TOP3B: variants seen among roughly 807,000 people sequenced by gnomAD.
TOP3B encodes DNA topoisomerase 3-beta-1.
TOP3B carries 45 observed loss-of-function variants against 93.9 expected under a neutral mutation model. That is an observed-to-expected ratio of 0.48 (90% CI 0.38 to 0.61). The LOEUF is 0.61. TOP3B is among the 20% of genes least tolerant of loss of function. The pLI is 0.00. For missense variants in TOP3B, 750 were observed against 1,156.1 expected (o/e 0.65, Z 5.09); for synonymous variants, 357 against 472.6 (o/e 0.76, Z 3.17).
At chr22:21,974,283 T>C in intron 3 of TOP3B, 74 bp downstream of exon 3, 1 of 1,543,022 alleles carries the variant, frequency 6.5e-7, no homozygotes, top group Non-Finnish European at 8.8e-7. Context: ...TAGAGGCATC[T>C]CCTGGCTTCA....
At chr22:21,961,993 C>T (rs750957441) in intron 13 of TOP3B, 4 of 690,568 alleles carry the variant, frequency 5.8e-6, no homozygotes, top group Non-Finnish European at 7.9e-6. Context: ...GAGCCCTGTG[C>T]CTGGGACAGG....
Position 21,970,418 on chromosome 22 carries a change from G to T in TOP3B, c.385-12C>A. ...ACAGCATCAAGAACCTGGGGGTGGG[G>T]AGTGGCCAGCTGTGACCCACCTCCC... On this transcript the variant is annotated splice_polypyrimidine_tract_variant and intron_variant, in intron 5 of 17. Transcript: ENST00000357179. The surrounding 1 kb of genome is among the most constrained non-coding windows in gnomAD (Gnocchi z 4.4). 6.2e-7 allele frequency: 1 copy of T among 1,612,416 alleles called. No individual in the cohort carries two copies. The highest frequency in any genetic ancestry group is 8.5e-7 in the Non-Finnish European group (1 of 1,179,392).
At chr22:21,966,331 TGAG>T (rs71778650) in intron 8 of TOP3B, 15,787 of 152,088 alleles carry the variant, frequency 0.1, 886 homozygotes, top group Non-Finnish European at 0.12. Context: ...CCTGGAAGAT[TGAG>T]GAGGAGTCAG....
Position 21,970,479 on chromosome 22 carries a change from C to A in TOP3B, c.385-73G>T. 3.3e-6 allele frequency: 5 copies of A among 1,519,724 alleles called. No individual in the cohort carries two copies. Among genetic ancestry groups the A allele is most frequent in the Non-Finnish European group, 3.6e-6 (4 of 1,115,486 alleles). The allele number at this position is 1,519,724 out of a possible 1,614,324, so 94.1% of individuals were successfully genotyped here. ...CACAGCTCCCCACCCCACTGTGAAGCCTGGTTCCTTCCAGGAAAGAACACG... is the reference window on the plus strand; with the variant it reads ...CACAGCTCCCCACCCCACTGTGAAGACTGGTTCCTTCCAGGAAAGAACACG... On this transcript the variant is annotated intron_variant, in intron 5 of 17. Transcript: ENST00000357179. The surrounding 1 kb of genome is among the most constrained non-coding windows in gnomAD (Gnocchi z 4.4).
chr22:21,972,899 C>A (rs1031139002), intron 3 of TOP3B, 181 bp from the exon 4 acceptor site: 16 of 597,888 alleles, frequency 2.7e-5, no homozygotes, highest in Non-Finnish European at 4.2e-5. Flanking sequence ...CTTTGGTAAC[C>A]CCCTCCCATC....
rs114696308 is a variant in TOP3B, at chr22:21,971,686, C to T, written c.384+191G>A. 164 of 658,720 alleles carry T rather than the reference C, an allele frequency of 2.5e-4. No homozygotes were observed. The African/African-American group carries it at 2.7e-3, about 11-fold the overall frequency. 40.8% of individuals were successfully genotyped at this position (658,720 alleles called of 1,614,324 possible). A position where few individuals can be genotyped will look rare whatever the true frequency, so the allele number is the denominator to read the frequency against. ...CAGCAAGCGGAGGAACAACTGACCA[C>T]CTTTAATAGAGCCTATGCAGTTAAA... On this transcript the variant is annotated intron_variant, in intron 5 of 17. Coordinates refer to ENST00000357179, the MANE Select transcript of TOP3B (RefSeq NM_001282112.2). The surrounding 1 kb of genome is among the most constrained non-coding windows in gnomAD (Gnocchi z 4.6).
intron 7 of TOP3B, chr22:21,967,975 C>T: frequency 2.2e-6 from 1 of 459,384 alleles, no homozygotes; most frequent in Non-Finnish European, 4.0e-6. Flanking sequence ...CTAAGAAGCA[C>T]CTGAGCCCCT....
At chr22:21,972,504 C>T in intron 4 of TOP3B, 108 bp downstream of exon 4, 1 of 811,114 alleles carries the variant, frequency 1.2e-6, no homozygotes, top group Admixed American at 3.1e-5. Context: ...CTAGCAAAGG[C>T]CCCCCTGTCC....
chr22:21,968,321 C>T, intron 7 of TOP3B: 2 of 392,158 alleles, frequency 5.1e-6, no homozygotes, highest in Non-Finnish European at 9.2e-6. Flanking sequence ...GGTCTCAGTC[C>T]AGTGCTTGGA....
chr22:21,965,247 A>G (rs1453462960), intron 9 of TOP3B, 38 bp downstream of exon 9: 1 of 1,504,870 alleles, frequency 6.6e-7, no homozygotes, highest in Non-Finnish European at 9.0e-7. Flanking sequence ...CTGCCTCAGG[A>G]AGCCTTCTGG....
chr22:21,967,538 G>A (rs983391962), intron 8 of TOP3B, 65 bp downstream of exon 8: 16 of 1,227,662 alleles, frequency 1.3e-5, no homozygotes, highest in East Asian at 4.6e-5. Flanking sequence ...TTCCTCCAGC[G>A]GGAGGCATCC....
chr22:21,963,793 C>A lies in TOP3B; in HGVS notation c.1204+130G>T, dbSNP rs2071295246. The A allele has an allele frequency of 1.1e-6, 1 of 906,242 alleles. No individual in the cohort carries two copies. Among genetic ancestry groups the A allele is most frequent in the Non-Finnish European group, 1.7e-6 (1 of 592,586 alleles). 56.1% of individuals were successfully genotyped at this position (906,242 alleles called of 1,614,324 possible). A position where few individuals can be genotyped will look rare whatever the true frequency, so the allele number is the denominator to read the frequency against. Reference sequence around the variant, plus strand: ...ATGGAGCTCATCTTCCAGGTGGCCCCCCATCCCCACAGCCAGGGCAGGCAG... The same window carrying A: ...ATGGAGCTCATCTTCCAGGTGGCCCACCATCCCCACAGCCAGGGCAGGCAG... On this transcript the variant is annotated intron_variant, in intron 11 of 17. Transcript: ENST00000357179. This position sits in a 1 kb window ranked among gnomAD's most constrained non-coding sequence, Gnocchi z 4.8.
chr22:21,971,965 C>G lies in TOP3B; in HGVS notation c.310-14G>C. 1 of 1,611,638 alleles carries G rather than the reference C, an allele frequency of 6.2e-7. No individual in the cohort carries two copies. Among genetic ancestry groups the G allele is most frequent in the South Asian group, 1.1e-5 (1 of 90,856 alleles). On this transcript the variant is annotated splice_polypyrimidine_tract_variant and intron_variant, in intron 4 of 17. Transcript: ENST00000357179. The surrounding 1 kb of genome is among the most constrained non-coding windows in gnomAD (Gnocchi z 4.6). Reference sequence around the variant, plus strand: ...TCTGCCCTCCACCTGCCACACAGCACAGGTTCACACGTACCTGCTGCAGAC... The same window carrying G: ...TCTGCCCTCCACCTGCCACACAGCAGAGGTTCACACGTACCTGCTGCAGAC...
Position 21,975,235 on chromosome 22 carries a change from G to A in TOP3B, c.70+405C>T, listed in dbSNP as rs114797006. 8.5e-3 allele frequency: 1,364 copies of A among 160,134 alleles called. 26 individuals are homozygous for A. Among genetic ancestry groups the A allele is most frequent in the African/African-American group, 0.031 (1,295 of 41,764 alleles). The allele number at this position is 160,134 out of a possible 1,614,324, so 9.9% of individuals were successfully genotyped here. On this transcript the variant is annotated intron_variant, in intron 2 of 17. Coordinates refer to ENST00000357179, the MANE Select transcript of TOP3B (RefSeq NM_001282112.2). Reference sequence around the variant, plus strand: ...AGCTCAGTCCATTGGCTACTCTGGAGTGACGTGAGGTCCACAGGACAGTGG... The same window carrying A: ...AGCTCAGTCCATTGGCTACTCTGGAATGACGTGAGGTCCACAGGACAGTGG...
chr22:21,959,970 G>A (rs1486743546), intron 14 of TOP3B: 1 of 649,580 alleles, frequency 1.5e-6, no homozygotes, highest in East Asian at 2.8e-5. Context: ...GGGATGTCCT[G>A]TGGCTAGAAC....
chr22:21,968,755 T>G lies in TOP3B; in HGVS notation c.602A>C (p.Gln201Pro). ...GCTGTCTAAATCACCGTATTTCCCCTGGAAATATTTAGTCTGAAACCTGGA... is the reference window on the plus strand; with the variant it reads ...GCTGTCTAAATCACCGTATTTCCCCGGGAAATATTTAGTCTGAAACCTGGA... ...AFTRFQTKYFQGKYGDLDSSL... is the reference protein window; with the variant it reads ...AFTRFQTKYFPGKYGDLDSSL... Residue 201 changes from glutamine to proline, a missense_variant, in exon 7 of 18, where the codon CAG becomes CCG. Gln to Pro is a moderately conservative substitution (Grantham distance 76, BLOSUM62 -1). Coordinates refer to ENST00000357179, the MANE Select transcript of TOP3B (RefSeq NM_001282112.2). The G allele has an allele frequency of 6.2e-7, 1 of 1,614,150 alleles. No individual in the cohort carries two copies. The highest frequency in any genetic ancestry group is 8.5e-7 in the Non-Finnish European group (1 of 1,180,008).
Position 21,963,898 on chromosome 22 carries a change from AC to A in TOP3B, c.1204+24del. The A allele has an allele frequency of 6.2e-7, 1 of 1,610,012 alleles. No individual in the cohort carries two copies. Among genetic ancestry groups the A allele is most frequent in the East Asian group, 2.2e-5 (1 of 44,848 alleles). On this transcript the variant is annotated intron_variant, in intron 11 of 17. Transcript: ENST00000357179. This position sits in a 1 kb window ranked among gnomAD's most constrained non-coding sequence, Gnocchi z 4.8. Reference sequence around the variant, plus strand: ...CTCGCCCTTCCCTCCCTGGAAGCACACCGGGTATGGGATGAGAGCGGTACCT... The same window carrying A: ...CTCGCCCTTCCCTCCCTGGAAGCACACGGGTATGGGATGAGAGCGGTACCT...
intron 17 of TOP3B, 147 bp downstream of exon 17, chr22:21,958,345 C>T (rs2071012521): frequency 2.0e-6 from 3 of 1,491,212 alleles, no homozygotes; most frequent in African/African-American, 1.4e-5. Context: ...GCCCCAGCTA[C>T]ATCCAGGGTC....
At chr22:21,982,110 TGGCTGGCCATCAAGCCCAAGTTA>T (rs1391710763) in intron 1 of TOP3B, 1 of 152,198 alleles carries the variant, frequency 6.6e-6, no homozygotes, top group Non-Finnish European at 1.5e-5. Context: ...ATCCCAGGAC[TGGCTGGCCATCAAGCCCAAGTTA>T]GGCTGGCCTC....
Sources: gnomAD v4.1 joint callset for allele counts on GRCh38, gnomAD v4.1.1 for gene constraint, Gnocchi (gnomAD v3.1) non-coding constraint, MANE v1.5 for transcripts, NCBI Gene and HGNC (gene_info 2026-07-23, HGNC 2026-07-21) for gene names.